Variants in CALN1 observed in about 807,000 individuals in gnomAD.
CALN1 encodes calcium-binding protein 8.
In CALN1, 17 loss-of-function variants were observed where a neutral mutation model predicts 30.6. The observed-to-expected ratio is 0.56, with a 90% CI of 0.38 to 0.83. The LOEUF (loss-of-function observed/expected upper bound fraction) is 0.83. Among genes scored for constraint, CALN1 ranks in the 40% least tolerant of loss-of-function variants. The pLI, the probability that CALN1 is intolerant of heterozygous loss-of-function variation, is 0.00. For missense variants in CALN1, 291 were observed against 354.9 expected, an observed-to-expected ratio of 0.82 and a Z score of 1.45; for synonymous variants, 156 against 131.4, an observed-to-expected ratio of 1.19 and a Z score of -1.28.
intron 2 of CALN1, among the ~76,000 whole-genome samples, chr7:72,369,550 G>A (rs918335637): frequency 6.6e-5 from 10 of 151,860 alleles, no homozygotes; most frequent in Middle Eastern, 3.4e-3. Context: ...TAGTAGAGAC[G>A]GGGTTTCTCC....
At chr7:71,940,560 C>G (rs1482577505) in intron 5 of CALN1, among the ~76,000 whole-genome samples, 2 of 152,130 alleles carry the variant, frequency 1.3e-5, no homozygotes, top group African/African-American at 4.8e-5. Context: ...AACAGCTGTT[C>G]TGTTGTTTGC....
At position 72,205,551 on chromosome 7, in the gene CALN1, A is replaced by AATATATACATATATATATATATAT. The variant is rs1554319584; in HGVS notation, c.244+73134_244+73135insATATATATATATATATGTATATAT. 1.9e-4 allele frequency among the ~76,000 whole-genome samples: 16 copies of AATATATACATATATATATATATAT among 83,040 alleles called. 1 individual carries two copies. The highest frequency in any genetic ancestry group is 1.8e-3 in the Admixed American group (13 of 7,120). The allele number at this position is 83,040 out of a possible 152,430, so 54.5% of individuals were successfully genotyped here. A position where few individuals can be genotyped will look rare whatever the true frequency, so the allele number is the denominator to read the frequency against. On this transcript the variant is annotated intron_variant, in intron 3 of 6. Coordinates refer to ENST00000395275, the MANE Select transcript of CALN1 (RefSeq NM_031468.4). ...ATTTTTCTCCTGATTGCAAAAAAAA[A>AATATATACATATATATATATATAT]ATATATATATATATATGTATATATA...
intron 2 of CALN1, among the ~76,000 whole-genome samples, chr7:72,304,477 C>G (rs995120285): frequency 6.6e-6 from 1 of 152,030 alleles, no homozygotes; most frequent in African/African-American, 2.4e-5. Context: ...GGCCCCATCT[C>G]TACAAAATTA....
intron 4 of CALN1, among the ~76,000 whole-genome samples, chr7:72,085,522 G>A (rs1805428515): frequency 6.6e-6 from 1 of 152,070 alleles, no homozygotes; most frequent in Admixed American, 6.6e-5. Context: ...TATATACAGG[G>A]TTTGGTATTA....
chr7:72,346,872 TAAAG>T (rs1160098873), intron 2 of CALN1, among the ~76,000 whole-genome samples: 6 of 151,968 alleles, frequency 3.9e-5, no homozygotes, highest in Admixed American at 3.9e-4. Flanking sequence ...CATCAAAAAA[TAAAG>T]AAAATGCACT....
intron 4 of CALN1, among the ~76,000 whole-genome samples, chr7:72,034,615 A>G (rs1322667122): frequency 1.3e-5 from 2 of 151,590 alleles, no homozygotes; most frequent in Non-Finnish European, 2.9e-5. Flanking sequence ...AAGATGGCAA[A>G]CCCCATCTAC....
chr7:72,081,051 C>A (rs188480631), intron 4 of CALN1, among the ~76,000 whole-genome samples: 2 of 152,110 alleles, frequency 1.3e-5, no homozygotes, highest in African/African-American at 2.4e-5. Flanking sequence ...AATGCACCCA[C>A]GCTCACTTTT....
rs764569419 is a variant in CALN1 at position 72,023,700 on chromosome 7, C to T, written c.458G>A (p.Arg153His). 1 of 1,613,948 alleles carries T rather than the reference C, an allele frequency of 6.2e-7. No individual in the cohort carries two copies. Among genetic ancestry groups the T allele is most frequent in the Non-Finnish European group, 8.5e-7 (1 of 1,179,942 alleles). The change falls in exon 5 of 7, where the codon CGC (arginine) becomes CAC (histidine). Residue 153 changes from arginine to histidine, a missense_variant. Physicochemically the swap from Arg to His is conservative, Grantham distance 29 (BLOSUM62 0). Around this residue, in one of 2 missense-constraint regions of CALN1, gnomAD observed 169 missense variants for 251.7 expected, o/e 0.67. Transcript: ENST00000395275. The stretch of plus-strand genomic sequence containing the variant: ...TATCGTGTTCCCAAGAAAACCATCG[C>T]GACCTTCTGAAGACACCAGTTTGGG... The part of the protein sequence containing the change: ...LGPKLVSSEG[R>H]DGFLGNTIDS...
chr7:72,115,775 C>T (rs951132605), intron 3 of CALN1, among the ~76,000 whole-genome samples: 11 of 151,918 alleles, frequency 7.2e-5, no homozygotes, highest in African/African-American at 2.7e-4. Context: ...CGTGAGTCAC[C>T]GTGCCCGGCC....
intron 3 of CALN1, among the ~76,000 whole-genome samples, chr7:72,223,822 A>G (rs1793480223): frequency 6.6e-6 from 1 of 152,220 alleles, no homozygotes; most frequent in Non-Finnish European, 1.5e-5. Context: ...GCAGCCATAA[A>G]AAAGAAGGAA....
intron 2 of CALN1, among the ~76,000 whole-genome samples, chr7:72,313,586 G>A (rs1273599774): frequency 6.6e-6 from 1 of 151,948 alleles, no homozygotes; most frequent in East Asian, 1.9e-4. Flanking sequence ...GTAGAGATGG[G>A]GTCTCACTGT....
intron 5 of CALN1, among the ~76,000 whole-genome samples, chr7:71,831,054 G>T (rs1789245342): frequency 6.6e-6 from 1 of 151,968 alleles, no homozygotes; most frequent in African/African-American, 2.4e-5. Context: ...CATAAATGCA[G>T]ACCCCGAGTT....
At chr7:72,170,404 C>T (rs1433376108) in intron 3 of CALN1, among the ~76,000 whole-genome samples, 7 of 152,296 alleles carry the variant, frequency 4.6e-5, no homozygotes, top group Middle Eastern at 3.4e-3. Context: ...ATTCAGTCTT[C>T]GATCGTGACA....
intron 3 of CALN1, among the ~76,000 whole-genome samples, chr7:72,233,488 G>A (rs1794254888): frequency 6.6e-6 from 1 of 152,156 alleles, no homozygotes; most frequent in Non-Finnish European, 1.5e-5. Flanking sequence ...GGCCAAGGCA[G>A]GAGGATCACT....
At chr7:72,330,485 A>G (rs2944823) in intron 2 of CALN1, among the ~76,000 whole-genome samples, 31,875 of 141,968 alleles carry the variant, frequency 0.22, 4,786 homozygotes, top group Middle Eastern at 0.43. Flanking sequence ...AAAAAAAAAA[A>G]AGAGAGAGAG....
Position 72,407,543 on chromosome 7 carries a change from C to A in CALN1, c.-73-4101G>T, listed in dbSNP as rs1158060625. Among the ~76,000 whole-genome samples, 7 of 152,294 alleles carry A rather than the reference C, an allele frequency of 4.6e-5. No homozygotes were observed. The South Asian group carries it at 1.5e-3, about 32-fold the overall frequency. On this transcript the variant is annotated intron_variant, in intron 1 of 6. Coordinates refer to ENST00000395275, the MANE Select transcript of CALN1 (RefSeq NM_031468.4). Reference sequence around the variant, plus strand: ...GCTGCTTCCCTCCTCTCTTCTCCTCCTGCTCTGGCCATGTGAAGACATGCC... The same window carrying A: ...GCTGCTTCCCTCCTCTCTTCTCCTCATGCTCTGGCCATGTGAAGACATGCC...
intron 5 of CALN1, among the ~76,000 whole-genome samples, chr7:71,829,689 A>G (rs1344463607): frequency 6.6e-6 from 1 of 152,138 alleles, no homozygotes; most frequent in Non-Finnish European, 1.5e-5. Flanking sequence ...CTCTAGAGTA[A>G]AGTGGGATGC....
At chr7:72,121,336 T>C (rs149939926) in intron 3 of CALN1, among the ~76,000 whole-genome samples, 1,537 of 144,056 alleles carry the variant, frequency 0.011, 37 homozygotes, top group African/African-American at 0.037. Context: ...AAATAATATA[T>C]AAATTATATT....
chr7:72,242,713 C>A (rs1256236208), intron 3 of CALN1, among the ~76,000 whole-genome samples: 5 of 152,004 alleles, frequency 3.3e-5, no homozygotes, highest in Non-Finnish European at 7.4e-5. Flanking sequence ...CATGGTGAAA[C>A]CCCATTTCTG....
Sources: gnomAD v4.1 joint callset for allele counts (sites outside exome capture counted in the v4.1 genomes callset) on GRCh38, gnomAD v4.1.1 for gene constraint, gnomAD v4.1.1 regional missense constraint, MANE v1.5 for transcripts, NCBI Gene and HGNC (gene_info 2026-07-23, HGNC 2026-07-21) for gene names.